Variants in TRIM14 observed in about 807,000 individuals in gnomAD.
TRIM14 encodes the protein tripartite motif-containing protein 14.
In TRIM14, 28 loss-of-function variants were observed where a neutral mutation model predicts 44.5. The observed-to-expected ratio is 0.63, with a 90% CI of 0.47 to 0.86. TRIM14 has a LOEUF of 0.86. Ranked by LOEUF, TRIM14 falls within the 40% of genes least tolerant of loss-of-function variation. The probability of loss-of-function intolerance (pLI) is 0.00; values close to 1 mark genes in which losing one functional copy is unlikely to be tolerated. For missense variants in TRIM14, 607 were observed against 611.1 expected (o/e 0.99, Z 0.07); for synonymous variants, 299 against 269.2 (o/e 1.11, Z -1.08).
chr9:98,039,179 C>G, the TRIM14 span, among the ~76,000 whole-genome samples: 1 of 152,142 alleles, frequency 6.6e-6, no homozygotes, highest in African/African-American at 2.4e-5. Flanking sequence ...GAGACAGACT[C>G]TCACTCCATT....
the TRIM14 span, among the ~76,000 whole-genome samples, chr9:98,046,661 G>C: frequency 6.6e-6 from 1 of 152,036 alleles, no homozygotes; most frequent in Non-Finnish European, 1.5e-5. Flanking sequence ...GGCTGATCTT[G>C]AACTCCTGAC....
intron 6 of TRIM14, chr9:98,078,080 A>G: frequency 6.8e-7 from 1 of 1,479,352 alleles, no homozygotes; most frequent in Admixed American, 1.8e-5. Context: ...ACAGTGTTTT[A>G]AGAGATGTCT....
the TRIM14 span, among the ~76,000 whole-genome samples, chr9:98,047,649 G>T: frequency 1.7e-4 from 26 of 152,116 alleles, no homozygotes; most frequent in African/African-American, 6.3e-4. Context: ...CATTATGAGA[G>T]AAATTTAGTG....
the TRIM14 span, among the ~76,000 whole-genome samples, chr9:98,051,092 A>G: frequency 1.3e-5 from 2 of 152,134 alleles, no homozygotes; most frequent in African/African-American, 4.8e-5. Flanking sequence ...CATTTCTTTC[A>G]GCTCTTGTCA....
At chr9:98,077,025 T>C (rs772468304) in intron 6 of TRIM14, 4 of 1,596,404 alleles carry the variant, frequency 2.5e-6, no homozygotes, top group Non-Finnish European at 3.4e-6. Flanking sequence ...AAGGTAAGTG[T>C]CTAATTTTTG....
At chr9:98,066,527 CAG>C (rs1253517236), downstream of TRIM14, among the ~76,000 whole-genome samples, 1 of 152,180 alleles carries the variant, frequency 6.6e-6, no homozygotes, top group East Asian at 1.9e-4. Context: ...GTAATATTTA[CAG>C]AGTTGTGCAA....
In TRIM14 at chr9:98,078,337, G is replaced by A. The variant is rs767397149; in HGVS notation, c.*29-8650C>T. Reference sequence around the variant, plus strand: ...CTCCAGCCTGAGGACGTCAACCTGCGGGTCATCTCGGTGAGCAGGAGGGAG... The same window carrying A: ...CTCCAGCCTGAGGACGTCAACCTGCAGGTCATCTCGGTGAGCAGGAGGGAG... On this transcript the variant is annotated intron_variant, in intron 6 of 6. Transcript: ENST00000375098. The A allele has an allele frequency of 1.4e-5, 22 of 1,613,820 alleles. No individual in the cohort carries two copies. Among genetic ancestry groups the A allele is most frequent in the African/African-American group, 6.7e-5 (5 of 74,880 alleles).
the TRIM14 span, among the ~76,000 whole-genome samples, chr9:98,062,845 T>A: frequency 6.6e-6 from 1 of 150,552 alleles, no homozygotes; most frequent in East Asian, 2.0e-4. Context: ...AGGATTTCTC[T>A]GTGTTCTTTC....
At chr9:98,059,936 G>A in the TRIM14 span, among the ~76,000 whole-genome samples, 1 of 152,146 alleles carries the variant, frequency 6.6e-6, no homozygotes, top group Non-Finnish European at 1.5e-5. Context: ...AGAGGCATAG[G>A]GCACTGTCCC....
At chr9:98,059,258 C>T in the TRIM14 span, among the ~76,000 whole-genome samples, 2 of 152,126 alleles carry the variant, frequency 1.3e-5, no homozygotes, top group African/African-American at 4.8e-5. Context: ...CTCCTGACCT[C>T]GTGATCTGCC....
At chr9:98,067,542 A>G (rs896926270), downstream of TRIM14, among the ~76,000 whole-genome samples, 2 of 152,198 alleles carry the variant, frequency 1.3e-5, no homozygotes, top group African/African-American at 4.8e-5. Context: ...AAGAATGTCT[A>G]TTCAGATCCT....
chr9:98,114,504 T>C (rs957447856), intron 1 of TRIM14, among the ~76,000 whole-genome samples: 9 of 152,116 alleles, frequency 5.9e-5, no homozygotes, highest in African/African-American at 1.9e-4. Flanking sequence ...TGGCTAATTT[T>C]TTTGTATTTT....
At chr9:98,088,101 G>A in intron 5 of TRIM14, 96 bp from the exon 6 acceptor site, 5 of 1,308,016 alleles carry the variant, frequency 3.8e-6, no homozygotes, top group Non-Finnish European at 3.9e-6. Context: ...ATCACAAAAT[G>A]CGAAGCGCGG....
intron 2 of TRIM14, among the ~76,000 whole-genome samples, chr9:98,106,649 G>A (rs1258854424): frequency 6.6e-6 from 1 of 152,148 alleles, no homozygotes; most frequent in African/African-American, 2.4e-5. Context: ...GAATTTGTAT[G>A]CTGAAAATTA....
chr9:98,065,640 CT>C (rs751144623), downstream of TRIM14, among the ~76,000 whole-genome samples: 2,330 of 143,562 alleles, frequency 0.016, 25 homozygotes, highest in Admixed American at 0.021. Flanking sequence ...CATCCAGCTG[CT>C]TTTTTTTTTT....
the TRIM14 span, among the ~76,000 whole-genome samples, chr9:98,042,393 A>G: frequency 6.6e-6 from 1 of 152,012 alleles, no homozygotes; most frequent in South Asian, 2.1e-4. Context: ...TTATATGACA[A>G]GTTTGTTTTT....
intron 3 of TRIM14, among the ~76,000 whole-genome samples, chr9:98,097,789 G>A (rs1212382819): frequency 6.6e-6 from 1 of 152,190 alleles, no homozygotes; most frequent in East Asian, 1.9e-4. Context: ...GTTTTCTGAT[G>A]TGAGAATAGC....
chr9:98,111,374 A>G (rs1369156489), intron 1 of TRIM14, among the ~76,000 whole-genome samples: 1 of 151,680 alleles, frequency 6.6e-6, no homozygotes, highest in Non-Finnish European at 1.5e-5. Flanking sequence ...GGAGTTTGAG[A>G]CCAGCCTGAG....
At chr9:98,055,102 C>T in the TRIM14 span, among the ~76,000 whole-genome samples, 2 of 152,172 alleles carry the variant, frequency 1.3e-5, no homozygotes, top group African/African-American at 2.4e-5. Context: ...TCACTGCAAC[C>T]TCCGCCTCCC....
Sources: gnomAD v4.1 joint callset for allele counts (sites outside exome capture counted in the v4.1 genomes callset) on GRCh38, gnomAD v4.1.1 for gene constraint, MANE v1.5 for transcripts, NCBI Gene and HGNC (gene_info 2026-07-23, HGNC 2026-07-21) for gene names.